The following CSMD1 variants were observed in gnomAD, a reference collection of about 807,000 sequenced individuals.
The protein encoded by CSMD1 is CUB and sushi domain-containing protein 1.
Under a neutral mutation model 417.5 loss-of-function variants are expected in CSMD1, and 213 were observed. The observed-to-expected ratio is 0.51, with a 90% CI of 0.46 to 0.57. The LOEUF (loss-of-function observed/expected upper bound fraction) is 0.57, where lower values mean the gene tolerates loss of function less well. Among genes scored for constraint, CSMD1 ranks in the 20% least tolerant of loss-of-function variants. The pLI, the probability that CSMD1 is intolerant of heterozygous loss-of-function variation, is 0.00. For missense variants in CSMD1, 6,923 were observed against 4,529.7 expected, an observed-to-expected ratio of 1.53 and a Z score of -15.17; for synonymous variants, 2,862 against 1,736.8, an observed-to-expected ratio of 1.65 and a Z score of -16.11.
At chr8:3,831,312 A>T (rs960310599) in intron 5 of CSMD1, among the ~76,000 whole-genome samples, 4 of 152,134 alleles carry the variant, frequency 2.6e-5, no homozygotes, top group Non-Finnish European at 5.9e-5. Flanking sequence ...GGCATGTTGC[A>T]TTTCGGACAG....
intron 3 of CSMD1, among the ~76,000 whole-genome samples, chr8:4,135,918 T>G (rs946593706): frequency 6.6e-6 from 1 of 152,196 alleles, no homozygotes; most frequent in African/African-American, 2.4e-5. Flanking sequence ...TAGCATATGT[T>G]AGTTTTCCCT....
chr8:4,261,715 C>T (rs537057148), intron 3 of CSMD1, among the ~76,000 whole-genome samples: 1 of 152,122 alleles, frequency 6.6e-6, no homozygotes, highest in African/African-American at 2.4e-5. Flanking sequence ...TGGCTGAGAG[C>T]AGATCTTAAA....
intron 2 of CSMD1, among the ~76,000 whole-genome samples, chr8:4,463,505 A>G (rs1799966850): frequency 6.6e-6 from 1 of 152,226 alleles, no homozygotes; most frequent in African/African-American, 2.4e-5. Context: ...AGTGGAAACA[A>G]TACAAATGTC....
chr8:4,041,639 A>AT (rs1174839128), intron 3 of CSMD1, among the ~76,000 whole-genome samples: 1 of 152,320 alleles, frequency 6.6e-6, no homozygotes, highest in Admixed American at 6.5e-5. Flanking sequence ...TATCCATAAG[A>AT]AGAAGAAAAC....
intron 3 of CSMD1, among the ~76,000 whole-genome samples, chr8:4,384,949 T>C (rs112939731): frequency 7.1e-4 from 108 of 152,204 alleles, no homozygotes; most frequent in African/African-American, 2.4e-3. Flanking sequence ...CATCAGGAAA[T>C]TTCCTCTGTC....
At chr8:3,079,837 G>A (rs936964099) in intron 49 of CSMD1, among the ~76,000 whole-genome samples, 1 of 151,750 alleles carries the variant, frequency 6.6e-6, no homozygotes, top group Non-Finnish European at 1.5e-5. Context: ...CATCATCTGT[G>A]AGCAACAGCA....
rs1342829422 is a variant in CSMD1 at position 3,396,328 on chromosome 8, C to G, written c.2459G>C (p.Ser820Thr). 3 of 1,607,766 alleles carry G rather than the reference C, an allele frequency of 1.9e-6. No individual in the cohort carries two copies. The highest frequency in any genetic ancestry group is 1.3e-5 in the African/African-American group (1 of 74,852). ...DTLEVRDGPA[S>T]SSPLIGEYHG... ...GTACTCGCCGATCAGTGGGGACGAA[C>G]TGGCTGGCCCATCTCTGACCTCCAA... The change falls in exon 17 of 70, where the codon AGT becomes ACT. Residue 820 changes from serine to threonine, a missense_variant. Coordinates refer to ENST00000635120, the MANE Select transcript of CSMD1 (RefSeq NM_033225.6).
intron 7 of CSMD1, among the ~76,000 whole-genome samples, chr8:3,705,410 C>T (rs974163985): frequency 6.6e-6 from 1 of 152,176 alleles, no homozygotes; most frequent in African/African-American, 2.4e-5. Flanking sequence ...AGTGTCCACC[C>T]CTGTCTGGCT....
intron 27 of CSMD1, among the ~76,000 whole-genome samples, chr8:3,225,271 CA>C (rs1304845299): frequency 2.0e-5 from 3 of 152,116 alleles, no homozygotes; most frequent in African/African-American, 7.2e-5. Flanking sequence ...TAACTGAATG[CA>C]AACTCTGAAT....
At chr8:4,950,347 A>AT (rs1236335324) in intron 1 of CSMD1, among the ~76,000 whole-genome samples, 1 of 152,250 alleles carries the variant, frequency 6.6e-6, no homozygotes, top group East Asian at 1.9e-4. Context: ...TAAAAGACAG[A>AT]TTTTCAAAAG....
Position 3,802,920 on chromosome 8 carries a change from A to G in CSMD1, c.819-48878T>C, listed in dbSNP as rs145887757. ...TTGACAAAGGAAAACAGGAATTTTG[A>G]AAGAACCTACAAAAGAAAGACTTGA... On this transcript the variant is annotated intron_variant, in intron 5 of 69. Coordinates refer to ENST00000635120, the MANE Select transcript of CSMD1 (RefSeq NM_033225.6). 2.9e-4 allele frequency among the ~76,000 whole-genome samples: 44 copies of G among 152,296 alleles called. No homozygotes were observed. In the East Asian group the frequency reaches 8.5e-3, roughly 29 times the overall value.
rs145500485 is a variant in CSMD1, at chr8:3,396,437, G to A, written c.2406-56C>T. 2,298 of 1,283,178 alleles carry A rather than the reference G, an allele frequency of 1.8e-3. 4 individuals are homozygous for A. The highest frequency in any genetic ancestry group is 2.2e-3 in the Non-Finnish European group (2,102 of 941,078). 79.5% of individuals were successfully genotyped at this position (1,283,178 alleles called of 1,614,324 possible). A position where few individuals can be genotyped will look rare whatever the true frequency, so the allele number is the denominator to read the frequency against. On this transcript the variant is annotated intron_variant, in intron 16 of 69. Coordinates refer to ENST00000635120, the MANE Select transcript of CSMD1 (RefSeq NM_033225.6). ...CATGCAGAACTGCCAGCTTACAGACGTGCTCCTGACATCCTCATTCCTTAA... is the reference window on the plus strand; with the variant it reads ...CATGCAGAACTGCCAGCTTACAGACATGCTCCTGACATCCTCATTCCTTAA...
chr8:4,312,055 C>T (rs1300594987), intron 3 of CSMD1, among the ~76,000 whole-genome samples: 1 of 152,010 alleles, frequency 6.6e-6, no homozygotes, highest in Non-Finnish European at 1.5e-5. Context: ...TCATTTCTAG[C>T]TAGTAAAGAA....
At chr8:4,670,668 A>C (rs756789587) in intron 1 of CSMD1, among the ~76,000 whole-genome samples, 1 of 152,216 alleles carries the variant, frequency 6.6e-6, no homozygotes, top group Non-Finnish European at 1.5e-5. Flanking sequence ...TGTTCATCCA[A>C]ATATTACTAT....
chr8:4,068,997 G>C (rs886306585), intron 3 of CSMD1, among the ~76,000 whole-genome samples: 2 of 152,118 alleles, frequency 1.3e-5, no homozygotes, highest in South Asian at 2.1e-4. Context: ...GGCTTGGAAA[G>C]ATAACCCAGT....
chr8:2,939,230 C>T (rs772999542), intron 69 of CSMD1, among the ~76,000 whole-genome samples: 3 of 152,330 alleles, frequency 2.0e-5, no homozygotes, highest in African/African-American at 7.2e-5. Context: ...GGTTAAGACA[C>T]GAAACTTTCT....
At chr8:4,090,010 G>A (rs1800632706) in intron 3 of CSMD1, among the ~76,000 whole-genome samples, 2 of 152,166 alleles carry the variant, frequency 1.3e-5, no homozygotes, top group Admixed American at 6.5e-5. Context: ...CTACTAGCCT[G>A]TTTTGTAAAG....
intron 3 of CSMD1, among the ~76,000 whole-genome samples, chr8:4,308,191 G>C (rs1397804572): frequency 6.6e-6 from 1 of 152,162 alleles, no homozygotes; most frequent in Admixed American, 6.6e-5. Context: ...TGAGTTAGGA[G>C]GTGAAGTCAC....
At chr8:4,188,786 A>C (rs570355806) in intron 3 of CSMD1, among the ~76,000 whole-genome samples, 1 of 125,514 alleles carries the variant, frequency 8.0e-6, no homozygotes, top group African/African-American at 3.5e-5. Context: ...GAAGATAAAG[A>C]AACTCCAGGA....
Sources: allele counts gnomAD v4.1 joint callset (sites outside exome capture counted in the v4.1 genomes callset), GRCh38; gene constraint gnomAD v4.1.1; transcripts MANE v1.5; gene names NCBI Gene and HGNC (gene_info 2026-07-23, HGNC 2026-07-21).